Variants in TPCN1 observed in about 807,000 individuals in gnomAD.
TPCN1 encodes two pore channel protein 1.
Under a neutral mutation model 108.8 loss-of-function variants are expected in TPCN1, and 52 were observed. The observed-to-expected ratio is 0.48, with a 90% CI of 0.38 to 0.60. The LOEUF (loss-of-function observed/expected upper bound fraction) is 0.60, where lower values mean the gene tolerates loss of function less well. TPCN1 is among the 20% of genes least tolerant of loss of function. TPCN1 has a pLI of 0.00. For synonymous variants in TPCN1, 446 were observed against 433.7 expected, an observed-to-expected ratio of 1.03 and a Z score of -0.35; for missense variants, 806 against 1,072.8, an observed-to-expected ratio of 0.75 and a Z score of 3.47.
intron 2 of TPCN1, among the ~76,000 whole-genome samples, chr12:113,233,006 G>A (rs759774126): frequency 2.0e-5 from 3 of 152,182 alleles, no homozygotes; most frequent in Non-Finnish European, 4.4e-5. Context: ...CTTTTTCAGG[G>A]CCTCACCAAG....
intron 2 of TPCN1, among the ~76,000 whole-genome samples, chr12:113,237,962 A>T (rs888325680): frequency 2.6e-5 from 4 of 152,226 alleles, no homozygotes; most frequent in African/African-American, 9.6e-5. Context: ...CTGAATAAAA[A>T]GTGTGGCTTC....
chr12:113,247,040 A>G (rs1954422327), intron 2 of TPCN1, among the ~76,000 whole-genome samples: 1 of 152,208 alleles, frequency 6.6e-6, no homozygotes, highest in South Asian at 2.1e-4. Flanking sequence ...GCACCAGGCC[A>G]CTAGAGCAGG....
At chr12:113,246,856 C>T (rs371380029) in intron 2 of TPCN1, among the ~76,000 whole-genome samples, 3 of 152,186 alleles carry the variant, frequency 2.0e-5, no homozygotes, top group Admixed American at 6.5e-5. Flanking sequence ...GGGCCAGCCC[C>T]GGCACACAGA....
chr12:113,277,904 C>T lies in TPCN1; in HGVS notation c.1185-285C>T, dbSNP rs141259947. Reference sequence around the variant, plus strand: ...GTGAAGTTTCCGTCCTCCTAAGAATCCTAGTGCTCCAGCAGCTGCCTCTCC... The same window carrying T: ...GTGAAGTTTCCGTCCTCCTAAGAATTCTAGTGCTCCAGCAGCTGCCTCTCC... On this transcript the variant is annotated intron_variant, in intron 12 of 27. Coordinates refer to ENST00000335509, the MANE Select transcript of TPCN1 (RefSeq NM_017901.6). Among the ~76,000 whole-genome samples the T allele has an allele frequency of 1.2e-3, 179 of 152,328 alleles. 1 individual carries two copies. The highest frequency in any genetic ancestry group is 1.6e-3 in the Non-Finnish European group (107 of 68,032).
chr12:113,233,190 A>T (rs563604734), intron 2 of TPCN1, among the ~76,000 whole-genome samples: 2 of 152,228 alleles, frequency 1.3e-5, no homozygotes, highest in Non-Finnish European at 2.9e-5. Context: ...ATGAGATGCC[A>T]TCTCTTCCCG....
rs1956417851 is a variant in TPCN1 at position 113,296,046 on chromosome 12, CA to C, written c.2422del (p.Ser808AlafsTer24). ...CCCCCGCCGCCCAGCAGCCCCCAGG[CA>C]GCCGCCAGCGCTCCCAGACCGTTAC... The part of the protein sequence containing the change: ...AAPAAQQPPG[S>X]RQRSQTVT On this transcript the variant is annotated frameshift_variant, in exon 28 of 28. Transcript: ENST00000335509. LOFTEE classifies it high-confidence loss of function. The C allele has an allele frequency of 3.1e-6, 5 of 1,613,154 alleles. No individual in the cohort carries two copies. In the African/African-American group the frequency reaches 5.3e-5, roughly 17 times the overall value.
intron 1 of TPCN1, chr12:113,225,196 A>C (rs750331890): frequency 8.9e-6 from 4 of 450,950 alleles, no homozygotes; most frequent in South Asian, 3.1e-5. Context: ...CTAGGCCTAC[A>C]GGCATATGCC....
At chr12:113,263,927 C>T (rs1252038186) in intron 3 of TPCN1, among the ~76,000 whole-genome samples, 1 of 152,136 alleles carries the variant, frequency 6.6e-6, no homozygotes, top group Non-Finnish European at 1.5e-5. Flanking sequence ...GTGATATTTC[C>T]ATCTGTTGGT....
chr12:113,287,172 AC>A, intron 19 of TPCN1, 78 bp downstream of exon 19: 1 of 1,233,442 alleles, frequency 8.1e-7, no homozygotes, highest in Non-Finnish European at 1.2e-6. Context: ...CCGGGAAGTG[AC>A]CCAGAATGAG....
rs60813160 is a variant in TPCN1 at position 113,268,130 on chromosome 12, C to T, written c.528+174C>T. On this transcript the variant is annotated intron_variant, in intron 5 of 27. Coordinates refer to ENST00000335509, the MANE Select transcript of TPCN1 (RefSeq NM_017901.6). This position sits in a 1 kb window ranked among gnomAD's most constrained non-coding sequence, Gnocchi z 7.3. ...TCAGCCTTGTGGGTGCCCTGGATGT[C>T]GTGATGCCAGCAGTAGCTAATGTGA... Among the ~76,000 whole-genome samples, 4,937 of 152,236 alleles carry T rather than the reference C, an allele frequency of 0.032. 227 individuals carry two copies. The highest frequency in any genetic ancestry group is 0.15 in the East Asian group (769 of 5,174).
intron 1 of TPCN1, among the ~76,000 whole-genome samples, chr12:113,224,202 T>C (rs1223317884): frequency 6.6e-6 from 1 of 152,128 alleles, no homozygotes; most frequent in Non-Finnish European, 1.5e-5. Flanking sequence ...AAAGCTTGGC[T>C]TTTATTTAGC....
rs1247829773 is a variant in TPCN1 at position 113,282,087 on chromosome 12, ATTTTTTTTT to A, written c.1342+1905_1342+1913del. Among the ~76,000 whole-genome samples the A allele has an allele frequency of 7.6e-5, 7 of 92,058 alleles. No homozygotes were observed. In the South Asian group the frequency reaches 2.4e-3, roughly 32 times the overall value. The allele number at this position is 92,058 out of a possible 152,430, so 60.4% of individuals were successfully genotyped here. On this transcript the variant is annotated intron_variant, in intron 15 of 27. Transcript: ENST00000335509. ...AGGTGCCCACCACCACACCCGGCTA[ATTTTTTTTT>A]TTTTTTTTTTTTGAGACAGAATTTC...
Position 113,273,153 on chromosome 12 carries a change from G to A in TPCN1, c.784-79G>A. 7.7e-7 allele frequency: 1 copy of A among 1,296,580 alleles called. No individual in the cohort carries two copies. The highest frequency in any genetic ancestry group is 1.7e-5 in the Admixed American group (1 of 59,430). The allele number at this position is 1,296,580 out of a possible 1,614,324, so 80.3% of individuals were successfully genotyped here. A position where few individuals can be genotyped will look rare whatever the true frequency, so the allele number is the denominator to read the frequency against. ...AGAGCGGTCAAGGCAGGGCATGCCA[G>A]GTGGCCCATCACAGCCTGTTCCTGA... On this transcript the variant is annotated intron_variant, in intron 8 of 27. Coordinates refer to ENST00000335509, the MANE Select transcript of TPCN1 (RefSeq NM_017901.6). This position sits in a 1 kb window ranked among gnomAD's most constrained non-coding sequence, Gnocchi z 4.0.
Position 113,278,681 on chromosome 12 carries a change from G to A in TPCN1, c.1234-91G>A, listed in dbSNP as rs1955757552. ...TAACATTGTTCCCCAGTTTAGCAGG[G>A]TGAACAGGAAAGGAAGCCAGCATCC... is the stretch of plus-strand genomic sequence containing the variant. On this transcript the variant is annotated intron_variant, in intron 13 of 27. Transcript: ENST00000335509. 3.9e-6 allele frequency: 4 copies of A among 1,024,186 alleles called. No homozygotes were observed. The South Asian group carries it at 5.2e-5, about 13-fold the overall frequency. The allele number at this position is 1,024,186 out of a possible 1,614,324, so 63.4% of individuals were successfully genotyped here.
chr12:113,236,894 C>T (rs888040737), intron 2 of TPCN1, among the ~76,000 whole-genome samples: 5 of 152,218 alleles, frequency 3.3e-5, no homozygotes, highest in African/African-American at 1.2e-4. Flanking sequence ...GCATGCCTCA[C>T]ACAACTAGCA....
At chr12:113,252,957 A>T (rs532968958) in intron 2 of TPCN1, among the ~76,000 whole-genome samples, 1 of 152,246 alleles carries the variant, frequency 6.6e-6, no homozygotes, top group South Asian at 2.1e-4. Flanking sequence ...TTGCAACTCC[A>T]CTGTAGTGAT....
rs761417509 is a variant in TPCN1, at chr12:113,266,963, G to T, written c.414+607G>T. 1.4e-4 allele frequency among the ~76,000 whole-genome samples: 22 copies of T among 152,166 alleles called. No homozygotes were observed. The highest frequency in any genetic ancestry group is 3.9e-4 in the Admixed American group (6 of 15,280). ...TCCCTTCCTGTTTCTCCTTCTTCAT[G>T]CCTGGAACTCACAGCTCCAGCCAGT... On this transcript the variant is annotated intron_variant, in intron 4 of 27. Coordinates refer to ENST00000335509, the MANE Select transcript of TPCN1 (RefSeq NM_017901.6). This position sits in a 1 kb window ranked among gnomAD's most constrained non-coding sequence, Gnocchi z 4.2.
chr12:113,234,842 G>A (rs1953824572), intron 2 of TPCN1, among the ~76,000 whole-genome samples: 1 of 152,082 alleles, frequency 6.6e-6, no homozygotes, highest in Non-Finnish European at 1.5e-5. Flanking sequence ...TTTTTCAAAA[G>A]AAATTAGAAC....
chr12:113,267,067 A>G (rs1452684809), intron 4 of TPCN1, among the ~76,000 whole-genome samples: 1 of 151,888 alleles, frequency 6.6e-6, no homozygotes, highest in African/African-American at 2.4e-5. Context: ...CACTTTGTCA[A>G]TTCCTGCCCA....
Sources: allele counts gnomAD v4.1 joint callset (sites outside exome capture counted in the v4.1 genomes callset), GRCh38; gene constraint gnomAD v4.1.1; non-coding constraint Gnocchi (gnomAD v3.1); transcripts MANE v1.5; gene names NCBI Gene and HGNC (gene_info 2026-07-23, HGNC 2026-07-21).